HEXB: variants seen among roughly 807,000 people sequenced by gnomAD.
HEXB encodes hexosaminidase subunit beta.
Under a neutral mutation model 71.2 loss-of-function variants are expected in HEXB, and 51 were observed. That is an observed-to-expected ratio of 0.72 (90% CI 0.57 to 0.90). The LOEUF is 0.90. HEXB is among the 40% of genes least tolerant of loss of function. The probability of loss-of-function intolerance (pLI) is 0.00; values close to 1 mark genes in which losing one functional copy is unlikely to be tolerated. For synonymous variants in HEXB, 266 were observed against 249.3 expected (o/e 1.07, Z -0.63); for missense variants, 617 against 677.0 (o/e 0.91, Z 0.98).
chr5:74,685,095 G>A, upstream of HEXB: 1 of 714,102 alleles, frequency 1.4e-6, no homozygotes, highest in Non-Finnish European at 2.1e-6. Flanking sequence ...AGGGCGGGCT[G>A]GGCGAGGACG....
chr5:74,699,824 G>A (rs1045078179), intron 5 of HEXB, among the ~76,000 whole-genome samples: 2 of 152,084 alleles, frequency 1.3e-5, no homozygotes, highest in South Asian at 2.1e-4. Context: ...AGACAGGTCG[G>A]TCATAGCCAC....
Position 74,695,513 on chromosome 5 carries a change from T to G in HEXB, c.512-1180T>G, listed in dbSNP as rs538501575. On this transcript the variant is annotated intron_variant, in intron 3 of 13. Coordinates refer to ENST00000261416, the MANE Select transcript of HEXB (RefSeq NM_000521.4). ...CCACTGCGCCCAGCCAAGAGACGCT[T>G]ATTGATGTTTGTTCTGATCCATACC... 6.7e-5 allele frequency among the ~76,000 whole-genome samples: 10 copies of G among 149,598 alleles called. No homozygotes were observed. The East Asian group carries it at 1.9e-3, about 28-fold the overall frequency.
chr5:74,661,011 T>TGA (rs141154481), intron 1 of HEXB, among the ~76,000 whole-genome samples: 34 of 148,746 alleles, frequency 2.3e-4, no homozygotes, highest in African/African-American at 4.2e-4. Context: ...CATGGGTCAG[T>TGA]GAGAGAGAGA....
chr5:74,661,511 C>G lies in HEXB; in HGVS notation c.-377+20953C>G, dbSNP rs866699860. ...GAAGTCATGAATTCATTTTCTCTCT[C>G]TCTGTGTGTGTGTGTGTGTGTGTGT... On this transcript the variant is annotated intron_variant, in intron 1 of 13. Coordinates refer to the HEXB transcript ENST00000511181. Among the ~76,000 whole-genome samples the G allele has an allele frequency of 1.7e-4, 22 of 127,828 alleles. No individual in the cohort carries two copies. The East Asian group carries it at 5.0e-3, about 29-fold the overall frequency. The allele number at this position is 127,828 out of a possible 152,430, so 83.9% of individuals were successfully genotyped here.
At chr5:74,671,776 C>T (rs2112103516) in intron 1 of HEXB, among the ~76,000 whole-genome samples, 1 of 152,240 alleles carries the variant, frequency 6.6e-6, no homozygotes, top group East Asian at 1.9e-4. Context: ...AACTCAAACA[C>T]TGATATTTTT....
At position 74,705,280 on chromosome 5, in the gene HEXB, TC is replaced by T; in HGVS notation, c.734del (p.Pro245HisfsTer10). 6.2e-7 allele frequency: 1 copy of T among 1,611,108 alleles called. No homozygotes were observed. The highest frequency in any genetic ancestry group is 8.5e-7 in the Non-Finnish European group (1 of 1,177,346). On this transcript the variant is annotated frameshift_variant, in exon 6 of 14. Transcript: ENST00000261416. LOFTEE classifies it high-confidence loss of function. Reference sequence around the variant, plus strand: ...TGGCACATAGTTGATGACCAGTCTTTCCCATATCAGAGCATCACTTTTCCTG... The same window carrying T: ...TGGCACATAGTTGATGACCAGTCTTTCCATATCAGAGCATCACTTTTCCTG... ...LHWHIVDDQS[F>X]PYQSITFPEL...
chr5:74,688,485 C>T (rs879731110), intron 1 of HEXB, among the ~76,000 whole-genome samples: 2 of 152,110 alleles, frequency 1.3e-5, no homozygotes, highest in Non-Finnish European at 2.9e-5. Context: ...CAGGCGCCTG[C>T]CACCATACCC....
upstream of HEXB, among the ~76,000 whole-genome samples, chr5:74,683,974 C>A (rs1484529775): frequency 6.6e-6 from 1 of 151,828 alleles, no homozygotes; most frequent in African/African-American, 2.4e-5. Flanking sequence ...GCGCCCGCCA[C>A]CACGCCCAAC....
chr5:74,703,644 A>G (rs1749313384), intron 5 of HEXB, among the ~76,000 whole-genome samples: 1 of 152,080 alleles, frequency 6.6e-6, no homozygotes, highest in Non-Finnish European at 1.5e-5. Context: ...ACCATACCCC[A>G]AAGGCCAAAT....
intron 8 of HEXB, 26 bp downstream of exon 8, chr5:74,715,716 T>TAAA (rs373945141): frequency 4.5e-4 from 539 of 1,205,722 alleles, no homozygotes; most frequent in Middle Eastern, 1.3e-3. Context: ...AAAACCCCTT[T>TAAA]AAAAAAAAAA....
At chr5:74,719,542 G>T (rs1258249012) in intron 11 of HEXB, among the ~76,000 whole-genome samples, 8 of 152,244 alleles carry the variant, frequency 5.3e-5, no homozygotes, top group Admixed American at 2.0e-4. Flanking sequence ...ACTGAAAAAG[G>T]ATTTTGCTGT....
intron 1 of HEXB, among the ~76,000 whole-genome samples, chr5:74,673,554 T>TCCC (rs768589010): frequency 6.6e-6 from 1 of 152,072 alleles, no homozygotes; most frequent in Non-Finnish European, 1.5e-5. Flanking sequence ...TCTCCCCTCC[T>TCCC]CCCAGTGTGT....
intron 1 of HEXB, among the ~76,000 whole-genome samples, chr5:74,644,860 C>A (rs556729282): frequency 6.7e-6 from 1 of 149,872 alleles, no homozygotes; most frequent in Non-Finnish European, 1.5e-5. Context: ...CAACCTCCCC[C>A]TCTCAGATTC....
At chr5:74,705,015 C>T (rs1039874278) in intron 5 of HEXB, among the ~76,000 whole-genome samples, 7 of 146,684 alleles carry the variant, frequency 4.8e-5, no homozygotes, top group African/African-American at 1.5e-4. Context: ...TCACTTGAGA[C>T]TGGGAGGTCA....
chr5:74,669,622 C>T (rs541517389), intron 1 of HEXB, among the ~76,000 whole-genome samples: 4 of 152,174 alleles, frequency 2.6e-5, no homozygotes, highest in South Asian at 2.1e-4. Flanking sequence ...CCTACATCAT[C>T]GATCTGTTTG....
In HEXB at chr5:74,705,236, T is replaced by C. The variant is rs1749357988; in HGVS notation, c.687T>C (p.Asn229=). 2.5e-6 allele frequency: 4 copies of C among 1,608,300 alleles called. No homozygotes were observed. Among genetic ancestry groups the C allele is most frequent in the Non-Finnish European group, 2.6e-6 (3 of 1,174,784 alleles). Residue 229 remains asparagine (N), a synonymous_variant, in exon 6 of 14, where the codon AAT becomes AAC. Transcript: ENST00000261416. ...GCTTGCAGGATGCCATGGCTTTTAA[T>C]AAGTTTAATGTTCTTCACTGGCACA... ...ILKTLDAMAF[N]KFNVLHWHIV... is the part of the protein sequence containing the mutation.
rs1243065890 is a variant in HEXB at position 74,718,799 on chromosome 5, T to C, written c.1245T>C (p.Leu415=). The change falls in exon 11 of 14, where the codon CTT becomes CTC. Residue 415 remains leucine (L), a splice_region_variant and synonymous_variant. Transcript: ENST00000261416. ...WQEVFDDKAK[L]APGTIVEVWK... is the part of the protein sequence containing the mutation. Reference sequence around the variant, plus strand: ...ATTGCAATTTGTAACGTTAATAGCTTGCGCCGGGCACAATAGTTGAAGTAT... The same window carrying C: ...ATTGCAATTTGTAACGTTAATAGCTCGCGCCGGGCACAATAGTTGAAGTAT... 6.2e-7 allele frequency: 1 copy of C among 1,614,124 alleles called. No homozygotes were observed. Among genetic ancestry groups the C allele is most frequent in the Admixed American group, 1.7e-5 (1 of 60,016 alleles).
Position 74,718,844 on chromosome 5 carries a change from T to C in HEXB, c.1290T>C (p.Pro430=), listed in dbSNP as rs1749740114. 4 of 1,614,192 alleles carry C rather than the reference T, an allele frequency of 2.5e-6. No individual in the cohort carries two copies. Among genetic ancestry groups the C allele is most frequent in the Non-Finnish European group, 3.4e-6 (4 of 1,180,000 alleles). ...IVEVWKDSAY[P]EELSRVTASG... ...AAGTATGGAAAGACAGCGCATATCC[T>C]GAGGAACTCAGTAGAGTCACAGCAT... Residue 430 remains proline, a synonymous_variant, in exon 11 of 14, where the codon CCT becomes CCC. Coordinates refer to ENST00000261416, the MANE Select transcript of HEXB (RefSeq NM_000521.4).
intron 1 of HEXB, among the ~76,000 whole-genome samples, chr5:74,657,691 TA>T (rs1011715230): frequency 8.1e-4 from 123 of 152,306 alleles, no homozygotes; most frequent in African/African-American, 2.8e-3. Context: ...AATAAACCCT[TA>T]AATAAGAATG....
Sources: allele counts gnomAD v4.1 joint callset (sites outside exome capture counted in the v4.1 genomes callset), GRCh38; gene constraint gnomAD v4.1.1; transcripts MANE v1.5; gene names NCBI Gene and HGNC (gene_info 2026-07-23, HGNC 2026-07-21).